NLRP13: variants seen among roughly 807,000 people sequenced by gnomAD.
NLRP13 encodes the protein NLR family pyrin domain containing 13, also known as NACHT, LRR and PYD domains-containing protein 13.
A neutral mutation model predicts 94.4 loss-of-function variants in NLRP13; 82 were observed. That is an observed-to-expected ratio of 0.87 (90% confidence interval 0.73 to 1.04). The LOEUF (loss-of-function observed/expected upper bound fraction) is 1.04, where lower values mean the gene tolerates loss of function less well. NLRP13 is among the 50% of genes least tolerant of loss of function. The pLI, the probability that NLRP13 is intolerant of heterozygous loss-of-function variation, is 0.00. For synonymous variants in NLRP13, 553 were observed against 464.7 expected, an observed-to-expected ratio of 1.19 and a Z score of -2.45; for missense variants, 1,426 against 1,230.8, an observed-to-expected ratio of 1.16 and a Z score of -2.37.
chr19:55,907,809 G>A lies in NLRP13; in HGVS notation c.2430C>T (p.Cys810=). ...AGACTTACCACAGATACTTGAGGTTGCAAGCTGAGTGTCTCAAAGCTTTAA... is the reference window on the plus strand; with the variant it reads ...AGACTTACCACAGATACTTGAGGTTACAAGCTGAGTGTCTCAAAGCTTTAA... The part of the protein sequence containing the change: ...LILKALRHSA[C]NLKYLCLEKC... The change falls in exon 7 of 11, where the codon TGC becomes TGT. Residue 810 remains cysteine, a synonymous_variant. Transcript: ENST00000342929. The A allele has an allele frequency of 1.9e-6, 3 of 1,613,856 alleles. No individual in the cohort carries two copies. The highest frequency in any genetic ancestry group is 2.5e-6 in the Non-Finnish European group (3 of 1,179,880).
chr19:55,931,482 G>A (rs4991668), intron 1 of NLRP13, among the ~76,000 whole-genome samples: 22,591 of 151,458 alleles, frequency 0.15, 1,706 homozygotes, highest in East Asian at 0.21. Context: ...GTCGAGGCGA[G>A]CAGATCACGA....
chr19:55,919,723 G>A (rs944570781), intron 4 of NLRP13, among the ~76,000 whole-genome samples: 9 of 151,982 alleles, frequency 5.9e-5, no homozygotes, highest in Admixed American at 2.6e-4. Flanking sequence ...AGTAATGCTC[G>A]TGGATAAGAA....
At chr19:55,915,036 T>C (rs779370787) in intron 4 of NLRP13, among the ~76,000 whole-genome samples, 53 of 152,206 alleles carry the variant, frequency 3.5e-4, no homozygotes, top group African/African-American at 1.2e-3. Context: ...TACTAGAAGC[T>C]GGGGAATGGC....
At chr19:55,900,615 A>AAC in intron 9 of NLRP13, among the ~76,000 whole-genome samples, 1 of 151,506 alleles carries the variant, frequency 6.6e-6, no homozygotes, top group South Asian at 2.1e-4. Flanking sequence ...ACTAAAAAAA[A>AAC]AATACAAAAA....
Position 55,917,727 on chromosome 19 carries a change from A to T in NLRP13, c.524-4434T>A, listed in dbSNP as rs1290529746. On this transcript the variant is annotated intron_variant, in intron 4 of 10. Transcript: ENST00000342929. ...AGGGATCAATTCAAGAAGATATAAT[A>T]ATCCTAAACATATATACATCCATAC... is the stretch of plus-strand genomic sequence containing the variant. Among the ~76,000 whole-genome samples the T allele has an allele frequency of 2.0e-5, 3 of 149,272 alleles. No individual in the cohort carries two copies. The East Asian group carries it at 5.8e-4, about 29-fold the overall frequency.
In NLRP13 at chr19:55,913,173, A is replaced by T. The variant is rs775070712; in HGVS notation, c.644T>A (p.Leu215Gln). 2 of 1,614,138 alleles carry T rather than the reference A, an allele frequency of 1.2e-6. No individual in the cohort carries two copies. The highest frequency in any genetic ancestry group is 3.3e-5 in the Admixed American group (2 of 60,018). ...RNTSKDEHEE[L>Q]QRLLDPNRTR... ...CCTATTAGGATCCAGTAGGCGCTGC[A>T]GTTCCTCATGTTCGTCCTTTGATGT... is the stretch of plus-strand genomic sequence containing the variant. The change falls in exon 5 of 11, where the codon CTG becomes CAG. Residue 215 changes from leucine (L) to glutamine (Q), a missense_variant. By Grantham distance (113) the Leu-to-Gln change is moderately radical (BLOSUM62 -2). Coordinates refer to ENST00000342929, the MANE Select transcript of NLRP13 (RefSeq NM_176810.2).
intron 8 of NLRP13, 45 bp from the exon 9 acceptor site, chr19:55,902,250 C>A: frequency 1.9e-6 from 3 of 1,580,740 alleles, no homozygotes; most frequent in Non-Finnish European, 2.6e-6. Flanking sequence ...GGAAGCAGCC[C>A]AGACCCAGGC....
chr19:55,905,072 G>C lies in NLRP13; in HGVS notation c.2488C>G (p.Leu830Val), dbSNP rs1316613780. The part of the protein sequence containing the change: ...CNLSAASCQD[L>V]ALFLTSIQHV... ...TGGATGCTGGTGAGAAACAAGGCTA[G>C]GTCCTGACAGCTGGCTGCCGACAAG... The change falls in exon 8 of 11, where the codon CTA becomes GTA. Residue 830 changes from leucine (L) to valine (V), a missense_variant. Transcript: ENST00000342929. 1.2e-6 allele frequency: 2 copies of C among 1,613,820 alleles called. No individual in the cohort carries two copies. The highest frequency in any genetic ancestry group is 2.7e-5 in the African/African-American group (2 of 74,936).
At chr19:55,897,136 G>A (rs1313413945) in intron 10 of NLRP13, among the ~76,000 whole-genome samples, 1 of 152,002 alleles carries the variant, frequency 6.6e-6, no homozygotes, top group Non-Finnish European at 1.5e-5. Context: ...CATAGGGTTG[G>A]CTAGCTACTA....
At position 55,924,954 on chromosome 19, in the gene NLRP13, G is replaced by A. The variant is rs2123143927; in HGVS notation, c.388+13C>T. 3.1e-6 allele frequency: 5 copies of A among 1,610,970 alleles called. No individual in the cohort carries two copies. The highest frequency in any genetic ancestry group is 1.1e-5 in the South Asian group (1 of 91,024). On this transcript the variant is annotated intron_variant, in intron 2 of 10. Transcript: ENST00000342929. The stretch of plus-strand genomic sequence containing the variant: ...GCAACCTGTCCATTATCAACTTAAA[G>A]TAGTGTACACACCTGCTGCTGCTTC...
At position 55,913,046 on chromosome 19, in the gene NLRP13, G is replaced by A; in HGVS notation, c.771C>T (p.Leu257=). The A allele has an allele frequency of 1.2e-6, 2 of 1,614,094 alleles. No homozygotes were observed. The highest frequency in any genetic ancestry group is 1.7e-6 in the Non-Finnish European group (2 of 1,179,994). Reference sequence around the variant, plus strand: ...AAACATAGGAGAACCTTTGCTGAAAGAGAACTCCATTTGCCCAGTGCAGCA... The same window carrying A: ...AAACATAGGAGAACCTTTGCTGAAAAAGAACTCCATTTGCCCAGTGCAGCA... ...QAMLHWANGV[L]FQQRFSYVFY... The change falls in exon 5 of 11, where the codon CTC becomes CTT. Residue 257 remains leucine, a synonymous_variant. Coordinates refer to ENST00000342929, the MANE Select transcript of NLRP13 (RefSeq NM_176810.2).
Position 55,914,999 on chromosome 19 carries a change from C to A in NLRP13, c.524-1706G>T, listed in dbSNP as rs564075359. ...ATATGTAGAATCTAAAAAAGTAAAACTCAGAAGAAGAGAATAAAGTGGTGA... is the reference window on the plus strand; with the variant it reads ...ATATGTAGAATCTAAAAAAGTAAAAATCAGAAGAAGAGAATAAAGTGGTGA... On this transcript the variant is annotated intron_variant, in intron 4 of 10. Coordinates refer to ENST00000342929, the MANE Select transcript of NLRP13 (RefSeq NM_176810.2). Among the ~76,000 whole-genome samples, 24 of 152,092 alleles carry A rather than the reference C, an allele frequency of 1.6e-4. No individual in the cohort carries two copies. In the South Asian group the frequency reaches 2.3e-3, roughly 14 times the overall value.
At chr19:55,900,699 C>G (rs1986142684) in intron 9 of NLRP13, among the ~76,000 whole-genome samples, 2 of 150,212 alleles carry the variant, frequency 1.3e-5, no homozygotes, top group South Asian at 4.2e-4. Flanking sequence ...TGACGTGAAC[C>G]CAGGAGGCTG....
intron 10 of NLRP13, among the ~76,000 whole-genome samples, chr19:55,896,531 A>AAT (rs1172649882): frequency 6.9e-6 from 1 of 144,562 alleles, no homozygotes; most frequent in Non-Finnish European, 1.5e-5. Flanking sequence ...AAAAAAAAAA[A>AAT]AAAAGGGCTG....
chr19:55,930,895 T>TACAC (rs1568448856), intron 1 of NLRP13, among the ~76,000 whole-genome samples: 1 of 124,286 alleles, frequency 8.0e-6, no homozygotes, highest in African/African-American at 3.1e-5. Flanking sequence ...TATATATATA[T>TACAC]ATAAAATTTT....
At chr19:55,904,797 G>C (rs187486344) in intron 8 of NLRP13, 145 bp downstream of exon 8, 2 of 682,630 alleles carry the variant, frequency 2.9e-6, no homozygotes, top group Admixed American at 6.2e-5. Context: ...CTCTGAATCT[G>C]TTTTAGAGCA....
intron 4 of NLRP13, among the ~76,000 whole-genome samples, chr19:55,919,276 A>C (rs1277525482): frequency 6.6e-6 from 1 of 152,110 alleles, no homozygotes; most frequent in Admixed American, 6.6e-5. Flanking sequence ...ACTGAATGGG[A>C]AACAGTTGAA....
intron 7 of NLRP13, 80 bp from the exon 8 acceptor site, chr19:55,905,192 C>G (rs900658286): frequency 7.0e-7 from 1 of 1,428,160 alleles, no homozygotes; most frequent in Admixed American, 2.0e-5. Flanking sequence ...CCCCTTAACC[C>G]CCGAGACCCA....
In NLRP13 at chr19:55,895,948, C is replaced by T; in HGVS notation, c.3129G>A (p.Gly1043=). ...CCTGCAGAAAAGTCAGTGAGGTTTA[C>T]CCGAGTTTCTGCAGCCTGCATGTCG... ...KKSTCRLQKL[G] is the part of the protein sequence containing the mutation. The change falls in exon 11 of 11, where the codon GGG becomes GGA. Residue 1043 remains glycine, a synonymous_variant. Transcript: ENST00000342929. 6.2e-7 allele frequency: 1 copy of T among 1,613,694 alleles called. No homozygotes were observed. Among genetic ancestry groups the T allele is most frequent in the Non-Finnish European group, 8.5e-7 (1 of 1,179,738 alleles).
Sources: allele counts gnomAD v4.1 joint callset (sites outside exome capture counted in the v4.1 genomes callset), GRCh38; gene constraint gnomAD v4.1.1; transcripts MANE v1.5; gene names NCBI Gene and HGNC (gene_info 2026-07-23, HGNC 2026-07-21).